Variants in DNAH10 observed in about 807,000 individuals in gnomAD.
DNAH10 encodes the protein axonemal beta dynein heavy chain 10.
DNAH10 carries 348 observed loss-of-function variants against 506.6 expected under a neutral mutation model. The observed-to-expected ratio is 0.69, with a 90% CI of 0.63 to 0.75. The LOEUF is 0.75. Ranked by LOEUF, DNAH10 falls within the 30% of genes least tolerant of loss-of-function variation. The pLI is 0.00. For missense variants in DNAH10, 5,179 were observed against 5,787.1 expected (o/e 0.89, Z 3.41); for synonymous variants, 2,059 against 2,198.6 (o/e 0.94, Z 1.78).
rs759992929 is a variant in DNAH10 at position 123,907,779 on chromosome 12, A to AC, written c.9816-1479dup. On this transcript the variant is annotated intron_variant, in intron 57 of 78. Coordinates refer to ENST00000673944, the MANE Select transcript of DNAH10 (RefSeq NM_001372106.1). The surrounding 1 kb of genome is among the most constrained non-coding windows in gnomAD (Gnocchi z 4.4). ...GGTGGCCGGGGCCTGGTTTCCATCC[A>AC]CCCTGAAGGGACCTTTTAAAGACAC... Among the ~76,000 whole-genome samples, 4 of 151,690 alleles carry AC rather than the reference A, an allele frequency of 2.6e-5. No individual in the cohort carries two copies. The highest frequency in any genetic ancestry group is 9.7e-5 in the African/African-American group (4 of 41,254).
At position 123,793,963 on chromosome 12, in the gene DNAH10, C is replaced by A; in HGVS notation, c.1837C>A (p.His613Asn). Residue 613 changes from histidine to asparagine, a missense_variant, in exon 12 of 79, where the codon CAT (histidine) becomes AAT (asparagine). Coordinates refer to ENST00000673944, the MANE Select transcript of DNAH10 (RefSeq NM_001372106.1). ...GCAGGTTATTGAGAAAGAAGCAAAA[C>A]ATTTTATTGATGAATCTTTTAAGAC... ...EVLVIEKEAKHFIDESFKTLR... is the reference protein window; with the variant it reads ...EVLVIEKEAKNFIDESFKTLR... 1 of 1,261,418 alleles carries A rather than the reference C, an allele frequency of 7.9e-7. No individual in the cohort carries two copies. The highest frequency in any genetic ancestry group is 1.0e-6 in the Non-Finnish European group (1 of 970,104). 78.1% of individuals were successfully genotyped at this position (1,261,418 alleles called of 1,614,324 possible). A position where few individuals can be genotyped will look rare whatever the true frequency, so the allele number is the denominator to read the frequency against.
chr12:123,866,272 C>A (rs1951805078), intron 41 of DNAH10, among the ~76,000 whole-genome samples, 199 bp downstream of exon 41: 1 of 103,658 alleles, frequency 9.6e-6, no homozygotes, highest in African/African-American at 3.8e-5. Flanking sequence ...GAGACGGAGT[C>A]TCGCTCTGTC....
chr12:123,806,972 G>C (rs1007582989), intron 18 of DNAH10, among the ~76,000 whole-genome samples: 1 of 152,152 alleles, frequency 6.6e-6, no homozygotes, highest in Non-Finnish European at 1.5e-5. Flanking sequence ...GTTCCACTGT[G>C]TTAGCCAGGA....
intron 65 of DNAH10, among the ~76,000 whole-genome samples, chr12:123,921,690 A>ATTTTTTTT (rs1566107321): frequency 8.1e-5 from 8 of 98,272 alleles, no homozygotes; most frequent in African/African-American, 3.2e-4. Flanking sequence ...TGTAGCTTGC[A>ATTTTTTTT]GTTTTTTTTT....
chr12:123,867,025 A>C (rs1486922118), intron 41 of DNAH10, among the ~76,000 whole-genome samples: 1 of 152,230 alleles, frequency 6.6e-6, no homozygotes, highest in Non-Finnish European at 1.5e-5. Context: ...CAAAGGAAGC[A>C]TGACAGAACC....
intron 2 of DNAH10, among the ~76,000 whole-genome samples, chr12:123,768,746 G>A (rs1957141679): frequency 6.6e-6 from 1 of 152,134 alleles, no homozygotes; most frequent in Non-Finnish European, 1.5e-5. Context: ...AACTTTTCAT[G>A]TATTTATTTG....
intron 56 of DNAH10, among the ~76,000 whole-genome samples, chr12:123,899,294 C>T (rs543388823): frequency 3.5e-4 from 54 of 152,268 alleles, no homozygotes; most frequent in African/African-American, 1.2e-3. Flanking sequence ...TACCCTCTCG[C>T]GATGCCTGGC....
chr12:123,773,062 C>T, intron 4 of DNAH10, 120 bp downstream of exon 4: 1 of 672,970 alleles, frequency 1.5e-6, no homozygotes. Context: ...AGCTCTCTTT[C>T]TTTTCCATAC....
chr12:123,913,290 T>C lies in DNAH10; in HGVS notation c.10327T>C (p.Ser3443Pro). Reference sequence around the variant, plus strand: ...GCTGATTGCCGCAGACAAACTCATCTCGGGTCTGGGGTCAGAAAACATCAG... The same window carrying C: ...GCTGATTGCCGCAGACAAACTCATCCCGGGTCTGGGGTCAGAAAACATCAG... The part of the protein sequence containing the change: ...RRLIAADKLI[S>P]GLGSENIRWL... Residue 3443 changes from serine (S) to proline (P), a missense_variant, in exon 60 of 79, where the codon TCG becomes CCG. Physicochemically the swap from Ser to Pro is moderately conservative, Grantham distance 74. This residue lies in a region of DNAH10 where 4,844 missense variants were observed against 5,430.5 expected (regional missense o/e 0.89). Coordinates refer to ENST00000673944, the MANE Select transcript of DNAH10 (RefSeq NM_001372106.1). This position sits in a 1 kb window ranked among gnomAD's most constrained non-coding sequence, Gnocchi z 5.1. 1 of 1,602,808 alleles carries C rather than the reference T, an allele frequency of 6.2e-7. No homozygotes were observed. The highest frequency in any genetic ancestry group is 8.5e-7 in the Non-Finnish European group (1 of 1,175,264).
intron 51 of DNAH10, among the ~76,000 whole-genome samples, chr12:123,886,469 G>GCA (rs1491283743): frequency 1.1e-3 from 133 of 126,096 alleles, no homozygotes; most frequent in Middle Eastern, 4.0e-3. Context: ...TGGTTGCGTT[G>GCA]CGCGCGCGCG....
chr12:123,795,159 A>AG lies in DNAH10; in HGVS notation c.1986+1047_1986+1048insG, dbSNP rs1958231613. Among the ~76,000 whole-genome samples, 3 of 151,556 alleles carry AG rather than the reference A, an allele frequency of 2.0e-5. No individual in the cohort carries two copies. The South Asian group carries it at 6.3e-4, about 32-fold the overall frequency. On this transcript the variant is annotated intron_variant, in intron 12 of 78. Transcript: ENST00000673944. ...GAAACTTCGTCTCAAAAAAAAAAAAAAAAGAAAAAAGAAAAAAATGCTTAT... is the reference window on the plus strand; with the variant it reads ...GAAACTTCGTCTCAAAAAAAAAAAAAGAAAGAAAAAAGAAAAAAATGCTTAT...
At position 123,813,594 on chromosome 12, in the gene DNAH10, A is replaced by G. The variant is rs771006247; in HGVS notation, c.3575A>G (p.Asn1192Ser). ...GTGATTTCGCTTGGAAAACTTCTCA[A>G]TGAGTCAGCAAAAGAGGAGCTCTAT... ...SWVISLGKLLNESAKEELYNL... is the reference protein window; with the variant it reads ...SWVISLGKLLSESAKEELYNL... Residue 1192 changes from asparagine to serine, a missense_variant, in exon 20 of 79, where the codon AAT (asparagine) becomes AGT (serine). Transcript: ENST00000673944. 48 of 1,614,110 alleles carry G rather than the reference A, an allele frequency of 3.0e-5. No homozygotes were observed. The South Asian group carries it at 3.3e-4, about 11-fold the overall frequency.
intron 21 of DNAH10, among the ~76,000 whole-genome samples, chr12:123,816,763 A>G (rs1959157637): frequency 6.6e-6 from 1 of 152,192 alleles, no homozygotes; most frequent in African/African-American, 2.4e-5. Flanking sequence ...AAGTGAGGAC[A>G]ACCTTATGGG....
chr12:123,834,272 A>G (rs910242781), intron 27 of DNAH10, among the ~76,000 whole-genome samples: 2 of 152,164 alleles, frequency 1.3e-5, no homozygotes, highest in African/African-American at 4.8e-5. Context: ...CAGTGGTGCC[A>G]TCTCGGCTCA....
At chr12:123,822,249 G>C (rs144352289) in intron 24 of DNAH10, among the ~76,000 whole-genome samples, 76 of 152,222 alleles carry the variant, frequency 5.0e-4, no homozygotes, top group African/African-American at 1.3e-3. Context: ...TGTCATTTGG[G>C]TGCCTCTCAT....
chr12:123,794,213 A>T, intron 12 of DNAH10, 101 bp downstream of exon 12: 1 of 938,906 alleles, frequency 1.1e-6, no homozygotes, highest in Non-Finnish European at 1.3e-6. Flanking sequence ...CTGAATTCAG[A>T]GAAACTAGAA....
chr12:123,908,561 G>A (rs1953917428), intron 57 of DNAH10: 2 of 456,014 alleles, frequency 4.4e-6, no homozygotes, highest in Admixed American at 2.3e-5. Context: ...GCCCCGGTGA[G>A]ATGGGTTCGG....
chr12:123,786,781 G>A (rs2136199352), intron 9 of DNAH10, among the ~76,000 whole-genome samples: 1 of 110,908 alleles, frequency 9.0e-6, no homozygotes, highest in South Asian at 2.9e-4. Flanking sequence ...CTTTGAGGGT[G>A]TAGGGAGATG....
At chr12:123,826,629 C>T in intron 24 of DNAH10, 58 bp from the exon 25 acceptor site, 1 of 1,515,096 alleles carries the variant, frequency 6.6e-7, no homozygotes, top group Non-Finnish European at 9.0e-7. Flanking sequence ...AACTTGCTCT[C>T]CTTGTTGCAT....
Sources: gnomAD v4.1 joint callset for allele counts (sites outside exome capture counted in the v4.1 genomes callset) on GRCh38, gnomAD v4.1.1 for gene constraint, gnomAD v4.1.1 regional missense constraint, Gnocchi (gnomAD v3.1) non-coding constraint, MANE v1.5 for transcripts, NCBI Gene and HGNC (gene_info 2026-07-23, HGNC 2026-07-21) for gene names.